Variants in PMEPA1 observed in about 807,000 individuals in gnomAD.
PMEPA1 encodes the protein prostate transmembrane protein, androgen induced 1.
In PMEPA1, 11 loss-of-function variants were observed where a neutral mutation model predicts 23.0. The observed-to-expected ratio is 0.48, with a 90% CI of 0.30 to 0.79. The LOEUF (loss-of-function observed/expected upper bound fraction) is 0.79. PMEPA1 is among the 30% of genes least tolerant of loss of function. The probability of loss-of-function intolerance (pLI) is 0.06; values close to 1 mark genes in which losing one functional copy is unlikely to be tolerated. For synonymous variants in PMEPA1, 204 were observed against 166.4 expected (o/e 1.23, Z -1.74); for missense variants, 377 against 390.9 (o/e 0.96, Z 0.30).
chr20:57,690,667 T>C, intron 1 of PMEPA1: 2 of 935,632 alleles, frequency 2.1e-6, no homozygotes, highest in Middle Eastern at 4.7e-4. Context: ...TTGGGCTCTG[T>C]CCTGGGAAAC....
upstream of PMEPA1, chr20:57,710,477 A>C (rs375448244): frequency 1.2e-6 from 2 of 1,608,188 alleles, no homozygotes; most frequent in Non-Finnish European, 1.7e-6. Context: ...CTGGTTTCGC[A>C]GGAGACTGTC....
intron 1 of PMEPA1, among the ~76,000 whole-genome samples, chr20:57,687,984 T>C (rs1366245306): frequency 1.3e-5 from 2 of 152,102 alleles, no homozygotes; most frequent in Admixed American, 6.5e-5. Context: ...CCACCCTGGG[T>C]TCAGTGTCTT....
At chr20:57,680,222 T>C (rs187247100) in intron 1 of PMEPA1, among the ~76,000 whole-genome samples, 1 of 152,302 alleles carries the variant, frequency 6.6e-6, no homozygotes, top group Non-Finnish European at 1.5e-5. Flanking sequence ...TTTAAGTGCA[T>C]TATATCATTC....
At chr20:57,667,154 T>C (rs945113188) in intron 1 of PMEPA1, among the ~76,000 whole-genome samples, 2 of 152,070 alleles carry the variant, frequency 1.3e-5, no homozygotes, top group African/African-American at 4.8e-5. Context: ...GTGCCTGCAT[T>C]TGGGATCCAA....
chr20:57,667,494 G>A (rs1045783358), intron 1 of PMEPA1, among the ~76,000 whole-genome samples: 6 of 152,106 alleles, frequency 3.9e-5, no homozygotes, highest in Non-Finnish European at 8.8e-5. Flanking sequence ...GGAGCTGGGA[G>A]CAGAGTCCAC....
intron 1 of PMEPA1, among the ~76,000 whole-genome samples, chr20:57,689,842 T>C (rs773432525): frequency 2.0e-5 from 3 of 152,082 alleles, no homozygotes; most frequent in Non-Finnish European, 4.4e-5. Flanking sequence ...ACAGAAGCCT[T>C]TGATTGTGAA....
intron 1 of PMEPA1, among the ~76,000 whole-genome samples, chr20:57,687,995 T>TCCCTCTTC (rs1037862626): frequency 9.2e-5 from 14 of 152,284 alleles, no homozygotes; most frequent in African/African-American, 3.1e-4. Flanking sequence ...TCAGTGTCTT[T>TCCCTCTTC]CCCTCTTCCC....
At chr20:57,660,919 C>G (rs1006234600) in intron 1 of PMEPA1, among the ~76,000 whole-genome samples, 4 of 152,172 alleles carry the variant, frequency 2.6e-5, no homozygotes, top group Admixed American at 2.6e-4. Flanking sequence ...CCCAAGTCAA[C>G]ATCCCAACAC....
chr20:57,651,833 T>G lies in PMEPA1; in HGVS notation c.*220A>C. 3.6e-5 allele frequency: 13 copies of G among 358,960 alleles called. No homozygotes were observed. The highest frequency in any genetic ancestry group is 8.2e-5 in the East Asian group (2 of 24,290). 22.2% of individuals were successfully genotyped at this position (358,960 alleles called of 1,614,324 possible). The stretch of plus-strand genomic sequence containing the variant: ...CAAGACACAGCTCAACAAAGAAACG[T>G]GGTTTTTTTTTTTCTTTTTTCTTTT... On this transcript the variant is annotated 3_prime_UTR_variant, in exon 4 of 4. Transcript: ENST00000341744.
intron 1 of PMEPA1, among the ~76,000 whole-genome samples, chr20:57,694,969 G>A (rs1357156879): frequency 1.3e-5 from 2 of 152,218 alleles, no homozygotes; most frequent in Non-Finnish European, 2.9e-5. Flanking sequence ...TTCAGAGCAT[G>A]CTAGAGTCAA....
chr20:57,673,398 G>A (rs2071595522), intron 1 of PMEPA1, among the ~76,000 whole-genome samples: 1 of 152,160 alleles, frequency 6.6e-6, no homozygotes, highest in Non-Finnish European at 1.5e-5. Context: ...CTAAGAAAAT[G>A]TCTAAGTCAT....
At chr20:57,706,592 T>G (rs2072092720) in intron 1 of PMEPA1, among the ~76,000 whole-genome samples, 1 of 152,114 alleles carries the variant, frequency 6.6e-6, no homozygotes, top group African/African-American at 2.4e-5. Flanking sequence ...CCCACTCCAT[T>G]CAGCATCCTG....
In PMEPA1 at chr20:57,682,658, T is replaced by TAA. The variant is rs33918233; in HGVS notation, c.110-22963_110-22962dup. 0.33 allele frequency among the ~76,000 whole-genome samples: 49,938 copies of TAA among 151,718 alleles called. 8,772 individuals carry two copies. Among genetic ancestry groups the TAA allele is most frequent in the African/African-American group, 0.47 (19,555 of 41,296 alleles). ...ACCCACACTCCTCCAGTTTTTGATT[T>TAA]AAAAAAAATCCCTGAAACAGCACCC... On this transcript the variant is annotated intron_variant, in intron 1 of 3. Coordinates refer to ENST00000341744, the MANE Select transcript of PMEPA1 (RefSeq NM_020182.5). The surrounding 1 kb of genome is among the most constrained non-coding windows in gnomAD (Gnocchi z 4.4).
rs140230608 is a variant in PMEPA1, at chr20:57,659,598, C to T, written c.209G>A (p.Arg70Gln). The T allele has an allele frequency of 2.0e-5, 33 of 1,613,628 alleles. No homozygotes were observed. The highest frequency in any genetic ancestry group is 3.3e-5 in the South Asian group (3 of 91,018). ...CTGGCTGTGCCGGCTGATGAAGGACCGTGCAGACAGCTTGTAGTGGCTCAG... is the reference window on the plus strand; with the variant it reads ...CTGGCTGTGCCGGCTGATGAAGGACTGTGCAGACAGCTTGTAGTGGCTCAG... ...CLLSHYKLSA[R>Q]SFISRHSQGR... Residue 70 changes from arginine (R) to glutamine (Q), a missense_variant, in exon 2 of 4, where the codon CGG becomes CAG. Physicochemically the swap from Arg to Gln is conservative, Grantham distance 43 (BLOSUM62 1). Coordinates refer to ENST00000341744, the MANE Select transcript of PMEPA1 (RefSeq NM_020182.5).
chr20:57,697,215 C>A (rs940360971), intron 1 of PMEPA1, among the ~76,000 whole-genome samples: 3 of 152,244 alleles, frequency 2.0e-5, no homozygotes, highest in Non-Finnish European at 4.4e-5. Flanking sequence ...GTCTGCACAA[C>A]TTCCAGTTTT....
chr20:57,710,564 C>A, upstream of PMEPA1: 1 of 1,274,800 alleles, frequency 7.8e-7, no homozygotes, highest in South Asian at 1.4e-5. Context: ...CCAAGGAGGA[C>A]GACCAGGAAA....
At chr20:57,710,105 A>T, upstream of PMEPA1, 1 of 883,514 alleles carries the variant, frequency 1.1e-6, no homozygotes, top group African/African-American at 1.8e-5. Flanking sequence ...GTTCCCCCGC[A>T]CCCCCTCCCC....
rs559828033 is a variant in PMEPA1, at chr20:57,681,523, C to CAAGAA, written c.110-21831_110-21827dup. Among the ~76,000 whole-genome samples, 726 of 152,322 alleles carry CAAGAA rather than the reference C, an allele frequency of 4.8e-3. 7 individuals are homozygous for CAAGAA. Among genetic ancestry groups the CAAGAA allele is most frequent in the Middle Eastern group, 0.01 (3 of 294 alleles). ...CCTCTTACAAGGGTGGTCCCAGCAT[C>CAAGAA]AAGAAGGGAACGGCCCTCCCAGACC... On this transcript the variant is annotated intron_variant, in intron 1 of 3. Transcript: ENST00000341744.
chr20:57,655,962 T>C lies in PMEPA1; in HGVS notation c.265-2876A>G, dbSNP rs550539189. On this transcript the variant is annotated intron_variant, in intron 2 of 3. Coordinates refer to ENST00000341744, the MANE Select transcript of PMEPA1 (RefSeq NM_020182.5). The surrounding 1 kb of genome is among the most constrained non-coding windows in gnomAD (Gnocchi z 4.2). ...TCATTCACACTCAGAAAAGACCTCATTGACAAAACCAGGCAGCCGCAGTGA... is the reference window on the plus strand; with the variant it reads ...TCATTCACACTCAGAAAAGACCTCACTGACAAAACCAGGCAGCCGCAGTGA... 3.3e-5 allele frequency among the ~76,000 whole-genome samples: 5 copies of C among 151,972 alleles called. No homozygotes were observed. Among genetic ancestry groups the C allele is most frequent in the African/African-American group, 7.2e-5 (3 of 41,486 alleles).
Sources: gnomAD v4.1 joint callset for allele counts (sites outside exome capture counted in the v4.1 genomes callset) on GRCh38, gnomAD v4.1.1 for gene constraint, Gnocchi (gnomAD v3.1) non-coding constraint, MANE v1.5 for transcripts, NCBI Gene and HGNC (gene_info 2026-07-23, HGNC 2026-07-21) for gene names.